Variants in NGEF observed in about 807,000 individuals in gnomAD.
NGEF encodes ephexin-1.
In NGEF, 31 loss-of-function variants were observed where a neutral mutation model predicts 80.9. That is an observed-to-expected ratio of 0.38 (90% CI 0.29 to 0.52). The LOEUF is 0.52. Among genes scored for constraint, NGEF ranks in the 20% least tolerant of loss-of-function variants. NGEF has a pLI of 0.84. For missense variants in NGEF, 709 were observed against 926.2 expected (o/e 0.77, Z 3.04); for synonymous variants, 371 against 370.2 (o/e 1.00, Z -0.03).
intron 1 of NGEF, among the ~76,000 whole-genome samples, chr2:233,004,641 T>C (rs1695050363): frequency 6.6e-6 from 1 of 152,152 alleles, no homozygotes. Context: ...GTCACACCCA[T>C]GCTCACAACA....
intron 3 of NGEF, 121 bp downstream of exon 3, chr2:232,970,093 A>C: frequency 2.1e-6 from 1 of 476,760 alleles, no homozygotes. Context: ...AGCACGGGCA[A>C]CCAAAAGTTA....
chr2:232,968,937 G>A (rs553266214), intron 3 of NGEF, among the ~76,000 whole-genome samples: 2 of 152,328 alleles, frequency 1.3e-5, no homozygotes, highest in East Asian at 3.9e-4. Flanking sequence ...CAGTCACCTT[G>A]ACAGATGACA....
At position 232,883,972 on chromosome 2, in the gene NGEF, C is replaced by T. The variant is rs780257781; in HGVS notation, c.1601+9G>A. 1.2e-6 allele frequency: 2 copies of T among 1,604,238 alleles called. No individual in the cohort carries two copies. The highest frequency in any genetic ancestry group is 1.7e-6 in the Non-Finnish European group (2 of 1,175,270). On this transcript the variant is annotated intron_variant, in intron 11 of 14. Transcript: ENST00000264051. ...ACCGGAGCGCCTGATGCCCTGGGCC[C>T]CGACTCACCCTGGAATCTGCCGGCA...
At chr2:232,943,596 C>A (rs55727253) in intron 3 of NGEF, among the ~76,000 whole-genome samples, 2 of 151,178 alleles carry the variant, frequency 1.3e-5, no homozygotes, top group East Asian at 2.0e-4. Flanking sequence ...CCCGGGTTCA[C>A]GCCATTCTCC....
intron 8 of NGEF, 156 bp downstream of exon 8, chr2:232,891,202 G>A (rs760021724): frequency 4.4e-5 from 44 of 990,550 alleles, no homozygotes; most frequent in Admixed American, 8.2e-5. Context: ...GGGAGCAGGC[G>A]CTGCATCCTC....
chr2:232,964,059 G>A (rs1694008529), intron 3 of NGEF, among the ~76,000 whole-genome samples: 1 of 152,192 alleles, frequency 6.6e-6, no homozygotes. Context: ...AATACAGTAA[G>A]ACAGATACAA....
At chr2:232,926,661 T>G (rs1027340516) in intron 4 of NGEF, among the ~76,000 whole-genome samples, 3 of 152,088 alleles carry the variant, frequency 2.0e-5, no homozygotes, top group Non-Finnish European at 4.4e-5. Context: ...CAACAGCCGG[T>G]TTGGCTTCCA....
rs2592103 is a variant in NGEF, at chr2:232,900,942, G to T, written c.829-6026C>A. On this transcript the variant is annotated intron_variant, in intron 5 of 14. Coordinates refer to ENST00000264051, the MANE Select transcript of NGEF (RefSeq NM_019850.3). ...GGGCTGCTCTGGGGTGGTGACGTCCGGCGGCCTCAGATCAGCCAGGTCCCG... is the reference window on the plus strand; with the variant it reads ...GGGCTGCTCTGGGGTGGTGACGTCCTGCGGCCTCAGATCAGCCAGGTCCCG... 2.6e-3 allele frequency among the ~76,000 whole-genome samples: 393 copies of T among 152,230 alleles called. 11 individuals carry two copies. The East Asian group carries it at 0.065, about 25-fold the overall frequency.
At chr2:232,959,068 AC>A in intron 3 of NGEF, among the ~76,000 whole-genome samples, 1 of 151,924 alleles carries the variant, frequency 6.6e-6, no homozygotes, top group South Asian at 2.1e-4. Context: ...TGGCTCAAAC[AC>A]CCCCTCCCCA....
chr2:232,905,721 C>G, intron 5 of NGEF: 3 of 399,344 alleles, frequency 7.5e-6, no homozygotes, highest in South Asian at 5.1e-5. Context: ...GGCCGCCCAT[C>G]GTCTGAGATG....
At position 232,955,586 on chromosome 2, in the gene NGEF, C is replaced by T. The variant is rs149304762; in HGVS notation, c.383+14628G>A. Among the ~76,000 whole-genome samples the T allele has an allele frequency of 2.9e-3, 434 of 152,200 alleles. 5 individuals carry two copies. The highest frequency in any genetic ancestry group is 0.019 in the East Asian group (98 of 5,178). Reference sequence around the variant, plus strand: ...TTGCCCAGGCTGGAGTGCAGTGGTGCGATCTCACCGCAGCCTCCACCTTCT... The same window carrying T: ...TTGCCCAGGCTGGAGTGCAGTGGTGTGATCTCACCGCAGCCTCCACCTTCT... On this transcript the variant is annotated intron_variant, in intron 3 of 14. Coordinates refer to ENST00000264051, the MANE Select transcript of NGEF (RefSeq NM_019850.3).
chr2:232,933,518 T>G (rs1167495101), intron 3 of NGEF, among the ~76,000 whole-genome samples: 1 of 152,178 alleles, frequency 6.6e-6, no homozygotes, highest in African/African-American at 2.4e-5. Flanking sequence ...TCTGCCCCTC[T>G]CTGGCAATAA....
At chr2:232,885,708 T>A (rs1376770094) in intron 9 of NGEF, among the ~76,000 whole-genome samples, 2 of 152,118 alleles carry the variant, frequency 1.3e-5, no homozygotes, top group Non-Finnish European at 2.9e-5. Flanking sequence ...CACAGCCCCC[T>A]GGGTGGCCAC....
chr2:232,969,048 C>T (rs1472892285), intron 3 of NGEF, among the ~76,000 whole-genome samples: 16 of 152,154 alleles, frequency 1.1e-4, no homozygotes, highest in Non-Finnish European at 2.2e-4. Context: ...AGATCTCTGC[C>T]GTGTTAAGCT....
intron 5 of NGEF, among the ~76,000 whole-genome samples, chr2:232,904,460 C>G (rs546197847): frequency 7.9e-5 from 12 of 152,324 alleles, no homozygotes; most frequent in African/African-American, 2.9e-4. Flanking sequence ...AACTCCTGAC[C>G]TCAGGTGATC....
chr2:232,955,727 C>T (rs1033334029), intron 3 of NGEF, among the ~76,000 whole-genome samples: 35 of 152,144 alleles, frequency 2.3e-4, no homozygotes, highest in African/African-American at 8.0e-4. Flanking sequence ...CCATGTTGGC[C>T]AGGCTGGTCC....
chr2:232,881,485 G>A (rs1044820085), intron 13 of NGEF, among the ~76,000 whole-genome samples: 1 of 152,186 alleles, frequency 6.6e-6, no homozygotes, highest in Non-Finnish European at 1.5e-5. Flanking sequence ...TTAAACTTCA[G>A]AAGGAACTTT....
chr2:232,879,928 T>C (rs1227402761), intron 14 of NGEF, among the ~76,000 whole-genome samples: 1 of 151,928 alleles, frequency 6.6e-6, no homozygotes, highest in Admixed American at 6.5e-5. Flanking sequence ...CACGTTGACT[T>C]TGGAACCCAC....
chr2:232,911,964 C>G (rs1692698212), intron 5 of NGEF, among the ~76,000 whole-genome samples: 2 of 152,054 alleles, frequency 1.3e-5, no homozygotes, highest in South Asian at 4.1e-4. Context: ...TTACTTATTC[C>G]TTTCTAATCT....
Sources: gnomAD v4.1 joint callset for allele counts (sites outside exome capture counted in the v4.1 genomes callset) on GRCh38, gnomAD v4.1.1 for gene constraint, MANE v1.5 for transcripts, NCBI Gene and HGNC (gene_info 2026-07-23, HGNC 2026-07-21) for gene names.